The following CYBC1 variants were observed in gnomAD, a reference collection of about 807,000 sequenced individuals.
The protein encoded by CYBC1 is cytochrome b-245 chaperone 1, also known as essential for reactive oxygen species protein.
A neutral mutation model predicts 21.7 loss-of-function variants in CYBC1; 22 were observed. That is an observed-to-expected ratio of 1.02 (90% CI 0.73 to 1.45). CYBC1 has a LOEUF of 1.45. Among genes scored for constraint, CYBC1 ranks in the 40% most tolerant of loss-of-function variants. CYBC1 has a pLI of 0.00. For synonymous variants in CYBC1, 112 were observed against 98.7 expected, an observed-to-expected ratio of 1.13 and a Z score of -0.80; for missense variants, 237 against 242.1, an observed-to-expected ratio of 0.98 and a Z score of 0.14.
intron 3 of CYBC1, chr17:82,446,995 G>A: frequency 2.1e-6 from 1 of 487,412 alleles, no homozygotes; most frequent in South Asian, 2.5e-5. Context: ...CCCACAGCTG[G>A]ATCTTAGATC....
intron 5 of CYBC1, chr17:82,445,583 CCAGACCCCTGCTCCT>C (rs1054821276): frequency 7.0e-5 from 24 of 343,272 alleles, no homozygotes; most frequent in Admixed American, 9.6e-5. Flanking sequence ...CCCTGCTCTG[CCAGACCCCTGCTCCT>C]CAGACCCCTG....
chr17:82,447,245 T>C (rs947774570), intron 3 of CYBC1: 18 of 378,010 alleles, frequency 4.8e-5, no homozygotes, highest in Admixed American at 4.4e-4. Flanking sequence ...CCCAGCTACT[T>C]GGGAGGCTGA....
At chr17:82,449,051 A>T in intron 2 of CYBC1, 119 bp downstream of exon 2, 1 of 803,688 alleles carries the variant, frequency 1.2e-6, no homozygotes, top group Non-Finnish European at 2.0e-6. Context: ...AAAGAAACAA[A>T]ATAGCCATTA....
intron 1 of CYBC1, chr17:82,449,521 C>T (rs1369349908): frequency 2.5e-6 from 1 of 393,606 alleles, no homozygotes; most frequent in African/African-American, 2.1e-5. Flanking sequence ...GCGACACCGA[C>T]TGCGCGGGGG....
In CYBC1 at chr17:82,442,818, AGGGGC is replaced by A; in HGVS notation, c.*1181_*1185del. ...CCAGCCATTCCTGGGCCTGCCGCCTAGGGGCTCACAGGGCCCAGGAGTCCCCAGCT... is the reference window on the plus strand; with the variant it reads ...CCAGCCATTCCTGGGCCTGCCGCCTATCACAGGGCCCAGGAGTCCCCAGCT... On this transcript the variant is annotated 3_prime_UTR_variant, in exon 7 of 7. Coordinates refer to ENST00000306645, the MANE Select transcript of CYBC1 (RefSeq NM_001033046.4). This position sits in a 1 kb window ranked among gnomAD's most constrained non-coding sequence, Gnocchi z 6.8. The A allele has an allele frequency of 6.0e-6, 3 of 502,262 alleles. No individual in the cohort carries two copies. Among genetic ancestry groups the A allele is most frequent in the South Asian group, 3.0e-5 (1 of 32,964 alleles). The allele number at this position is 502,262 out of a possible 1,614,324, so 31.1% of individuals were successfully genotyped here.
At chr17:82,447,661 A>G in intron 2 of CYBC1, 40 bp from the exon 3 acceptor site, 1 of 1,559,644 alleles carries the variant, frequency 6.4e-7, no homozygotes, top group East Asian at 2.3e-5. Flanking sequence ...TGATCCCGGT[A>G]AGACCCCACC....
intron 4 of CYBC1, 26 bp from the exon 5 acceptor site, chr17:82,445,986 C>G: frequency 6.2e-7 from 1 of 1,605,042 alleles, no homozygotes; most frequent in Non-Finnish European, 8.5e-7. Context: ...CACTGACCAC[C>G]ATGAACCTCC....
chr17:82,443,450 C>G lies in CYBC1; in HGVS notation c.*554G>C, dbSNP rs2054085185. The G allele has an allele frequency of 3.1e-6, 2 of 650,200 alleles. No homozygotes were observed. The highest frequency in any genetic ancestry group is 5.7e-6 in the Non-Finnish European group (2 of 352,074). The allele number at this position is 650,200 out of a possible 1,614,324, so 40.3% of individuals were successfully genotyped here. The stretch of plus-strand genomic sequence containing the variant: ...CCAGGTAGGCCCTGGATGTTCACCC[C>G]TCACTGCCCTTGGGGAAGCACCTGA... On this transcript the variant is annotated 3_prime_UTR_variant, in exon 7 of 7. Coordinates refer to ENST00000306645, the MANE Select transcript of CYBC1 (RefSeq NM_001033046.4). This position sits in a 1 kb window ranked among gnomAD's most constrained non-coding sequence, Gnocchi z 6.7.
At chr17:82,448,959 G>A (rs1226266546) in intron 2 of CYBC1, 1 of 558,104 alleles carries the variant, frequency 1.8e-6, no homozygotes, top group East Asian at 3.1e-5. Flanking sequence ...TAAATACGCT[G>A]GGTGTTAGTG....
At chr17:82,446,905 G>A in intron 3 of CYBC1, 1 of 593,638 alleles carries the variant, frequency 1.7e-6, no homozygotes, top group Non-Finnish European at 3.0e-6. Context: ...GTCCACGTGA[G>A]AGAGGCAGGT....
chr17:82,448,930 A>C, intron 2 of CYBC1: 1 of 521,840 alleles, frequency 1.9e-6, no homozygotes, highest in Non-Finnish European at 3.4e-6. Flanking sequence ...GTGACCTCAG[A>C]AAAGCTCATA....
intron 1 of CYBC1, 71 bp from the exon 2 acceptor site, chr17:82,449,363 T>TTGAC: frequency 1.3e-6 from 1 of 765,140 alleles, no homozygotes; most frequent in East Asian, 3.2e-5. Flanking sequence ...TCAGGCCCAG[T>TTGAC]CTGGAGGCCA....
Position 82,443,396 on chromosome 17 carries a change from C to T in CYBC1, c.*608G>A. 1 of 531,992 alleles carries T rather than the reference C, an allele frequency of 1.9e-6. No homozygotes were observed. The highest frequency in any genetic ancestry group is 3.5e-6 in the Non-Finnish European group (1 of 286,516). The allele number at this position is 531,992 out of a possible 1,614,324, so 33.0% of individuals were successfully genotyped here. Reference sequence around the variant, plus strand: ...GAGGCGGGTCCTCGGGGAGGGGCAGCTTCCACAGTGTGGCTGCAGCGTGCA... The same window carrying T: ...GAGGCGGGTCCTCGGGGAGGGGCAGTTTCCACAGTGTGGCTGCAGCGTGCA... On this transcript the variant is annotated 3_prime_UTR_variant, in exon 7 of 7. Transcript: ENST00000306645. The surrounding 1 kb of genome is among the most constrained non-coding windows in gnomAD (Gnocchi z 6.7).
In CYBC1 at chr17:82,443,877, G is replaced by A; in HGVS notation, c.*127C>T. 1 of 607,804 alleles carries A rather than the reference G, an allele frequency of 1.6e-6. No homozygotes were observed. The highest frequency in any genetic ancestry group is 2.0e-5 in the South Asian group (1 of 50,248). 37.7% of individuals were successfully genotyped at this position (607,804 alleles called of 1,614,324 possible). ...CGGGAATGTGCCACGGGTCCTGTGG[G>A]CGGTGCACGGGCTCAGGCACACCGG... On this transcript the variant is annotated 3_prime_UTR_variant, in exon 7 of 7. Transcript: ENST00000306645. This position sits in a 1 kb window ranked among gnomAD's most constrained non-coding sequence, Gnocchi z 6.7.
At chr17:82,445,578 C>T (rs2054233194) in intron 5 of CYBC1, 8 of 333,070 alleles carry the variant, frequency 2.4e-5, no homozygotes, top group South Asian at 2.2e-4. Context: ...CAGACCCCTG[C>T]TCTGCCAGAC....
Position 82,446,603 on chromosome 17 carries a change from C to T in CYBC1, c.201+20G>A, listed in dbSNP as rs969382150. ...AGCTGAACAGCCCTGGACTCTGTCCCGCACCCGAGCCGGCCTTACCTCCCA... is the reference window on the plus strand; with the variant it reads ...AGCTGAACAGCCCTGGACTCTGTCCTGCACCCGAGCCGGCCTTACCTCCCA... On this transcript the variant is annotated intron_variant, in intron 4 of 6. Coordinates refer to ENST00000306645, the MANE Select transcript of CYBC1 (RefSeq NM_001033046.4). 1.2e-5 allele frequency: 19 copies of T among 1,613,206 alleles called. No homozygotes were observed. Among genetic ancestry groups the T allele is most frequent in the South Asian group, 3.3e-5 (3 of 91,076 alleles).
rs2054544305 is a variant in CYBC1, at chr17:82,450,751, G to GCGGGGC, written c.-91_-90insGCCCCG. The GCGGGGC allele has an allele frequency of 6.6e-6, 1 of 152,188 alleles. No homozygotes were observed. The highest frequency in any genetic ancestry group is 6.5e-5 in the Admixed American group (1 of 15,278). The allele number at this position is 152,188 out of a possible 1,614,324, so 9.4% of individuals were successfully genotyped here. A position where few individuals can be genotyped will look rare whatever the true frequency, so the allele number is the denominator to read the frequency against. On this transcript the variant is annotated 5_prime_UTR_variant, in exon 1 of 7. Transcript: ENST00000306645. The stretch of plus-strand genomic sequence containing the variant: ...AGCAGAGAGACGCGAACCGGCGGGG[G>GCGGGGC]CGGGGCCGCGCGCACTTCCGGGATT...
In CYBC1 at chr17:82,444,019, A is replaced by G; in HGVS notation, c.549T>C (p.Pro183=). 3 of 1,612,930 alleles carry G rather than the reference A, an allele frequency of 1.9e-6. No individual in the cohort carries two copies. Among genetic ancestry groups the G allele is most frequent in the Non-Finnish European group, 2.5e-6 (3 of 1,179,988 alleles). Residue 183 remains proline (P), a synonymous_variant, in exon 7 of 7, where the codon CCT becomes CCC. Coordinates refer to ENST00000306645, the MANE Select transcript of CYBC1 (RefSeq NM_001033046.4). The part of the protein sequence containing the change: ...SQSSDSEAGD[P]ASQS ...AGTGGGGCTGTCAGCTCTGGCTTGC[A>G]GGGTCACCGGCCTCACTGTCGCTGC...
chr17:82,447,898 C>A lies in CYBC1; in HGVS notation c.86-277G>T, dbSNP rs2054404711. The A allele has an allele frequency of 8.7e-6, 5 of 576,094 alleles. No homozygotes were observed. The South Asian group carries it at 1.1e-4, about 12-fold the overall frequency. 35.7% of individuals were successfully genotyped at this position (576,094 alleles called of 1,614,324 possible). On this transcript the variant is annotated intron_variant, in intron 2 of 6. Transcript: ENST00000306645. Reference sequence around the variant, plus strand: ...GCGCTTGAGCTCAGGAGTTTGAGACCAGCCTGGGCAACATAACGAGACCTC... The same window carrying A: ...GCGCTTGAGCTCAGGAGTTTGAGACAAGCCTGGGCAACATAACGAGACCTC...
Sources: allele counts gnomAD v4.1 joint callset, GRCh38; gene constraint gnomAD v4.1.1; non-coding constraint Gnocchi (gnomAD v3.1); transcripts MANE v1.5; gene names NCBI Gene and HGNC (gene_info 2026-07-23, HGNC 2026-07-21).